PARD3B: variants seen among roughly 807,000 people sequenced by gnomAD.
The protein encoded by PARD3B is par-3 family cell polarity regulator beta.
PARD3B carries 103 observed loss-of-function variants against 130.2 expected under a neutral mutation model. The observed-to-expected ratio is 0.79, with a 90% CI of 0.67 to 0.93. PARD3B has a LOEUF of 0.93. PARD3B is among the 40% of genes least tolerant of loss of function. The probability of loss-of-function intolerance (pLI) is 0.00; values close to 1 mark genes in which losing one functional copy is unlikely to be tolerated. For synonymous variants in PARD3B, 583 were observed against 553.2 expected, an observed-to-expected ratio of 1.05 and a Z score of -0.76; for missense variants, 1,609 against 1,499.2, an observed-to-expected ratio of 1.07 and a Z score of -1.21.
At chr2:204,844,416 ATTTT>A (rs1173196156) in intron 2 of PARD3B, among the ~76,000 whole-genome samples, 1 of 152,136 alleles carries the variant, frequency 6.6e-6, no homozygotes, top group Non-Finnish European at 1.5e-5. Context: ...GCAAAATTTT[ATTTT>A]TAAGTTATAA....
At chr2:204,766,965 C>CTTTTTTTTTTTTTTTCT (rs2041183806) in intron 2 of PARD3B, among the ~76,000 whole-genome samples, 2 of 114,482 alleles carry the variant, frequency 1.7e-5, no homozygotes, top group African/African-American at 6.7e-5. Flanking sequence ...TTTTCTTTTT[C>CTTTTTTTTTTTTTTTCT]TTTTTTTTTT....
chr2:204,563,261 C>CTCTCTT (rs1251052076), intron 1 of PARD3B, among the ~76,000 whole-genome samples: 1 of 142,868 alleles, frequency 7.0e-6, no homozygotes, highest in East Asian at 2.0e-4. Context: ...CTCTCTCTCT[C>CTCTCTT]TCTCTTTCTC....
intron 2 of PARD3B, among the ~76,000 whole-genome samples, chr2:204,898,070 A>G (rs555464442): frequency 6.6e-6 from 1 of 152,146 alleles, no homozygotes; most frequent in African/African-American, 2.4e-5. Context: ...AATACACTGT[A>G]TACTTTAAAA....
At chr2:205,482,076 G>A (rs980762869) in intron 20 of PARD3B, among the ~76,000 whole-genome samples, 6 of 152,250 alleles carry the variant, frequency 3.9e-5, no homozygotes, top group African/African-American at 1.4e-4. Flanking sequence ...GAGCCACTCC[G>A]GGGATCATAT....
rs1185507153 is a variant in PARD3B at position 205,352,497 on chromosome 2, T to C, written c.2631-48516T>C. 6.6e-6 allele frequency among the ~76,000 whole-genome samples: 1 copy of C among 152,204 alleles called. No individual in the cohort carries two copies. Among genetic ancestry groups the C allele is most frequent in the East Asian group, 1.9e-4 (1 of 5,202 alleles). ...ATAATTTCTGTTTAGTTATCTGGGA[T>C]TTCATTCGGTTGATTAATACCTATA... On this transcript the variant is annotated intron_variant, in intron 18 of 22. Coordinates refer to ENST00000406610, the MANE Select transcript of PARD3B (RefSeq NM_001302769.2). This position sits in a 1 kb window ranked among gnomAD's most constrained non-coding sequence, Gnocchi z 5.2.
At chr2:205,169,689 T>A (rs1273342018) in intron 11 of PARD3B, among the ~76,000 whole-genome samples, 2 of 152,134 alleles carry the variant, frequency 1.3e-5, no homozygotes, top group Non-Finnish European at 2.9e-5. Flanking sequence ...TCTCAACATT[T>A]CCTGTTAACC....
rs1455433387 is a variant in PARD3B at position 205,593,957 on chromosome 2, T to C, written c.3261-21499T>C. 2.0e-5 allele frequency among the ~76,000 whole-genome samples: 3 copies of C among 152,178 alleles called. No homozygotes were observed. The East Asian group carries it at 5.8e-4, about 29-fold the overall frequency. ...ACCCATATCATTTCATCCACTCTTA[T>C]GAGAAGAAAAGCACATATTACTTTA... is the stretch of plus-strand genomic sequence containing the variant. On this transcript the variant is annotated intron_variant, in intron 22 of 22. Coordinates refer to ENST00000406610, the MANE Select transcript of PARD3B (RefSeq NM_001302769.2).
intron 3 of PARD3B, among the ~76,000 whole-genome samples, chr2:204,971,748 G>A (rs1177808714): frequency 6.6e-6 from 1 of 151,544 alleles, no homozygotes; most frequent in Non-Finnish European, 1.5e-5. Context: ...TTTCTGGTGT[G>A]ACTATAACTA....
In PARD3B at chr2:205,573,271, G is replaced by A. The variant is rs144256843; in HGVS notation, c.3260+19868G>A. Among the ~76,000 whole-genome samples, 1,370 of 152,278 alleles carry A rather than the reference G, an allele frequency of 9.0e-3. 21 individuals carry two copies. The highest frequency in any genetic ancestry group is 0.031 in the African/African-American group (1,289 of 41,564). On this transcript the variant is annotated intron_variant, in intron 22 of 22. Transcript: ENST00000406610. ...GGGAAGAGAGGCCTGTGAAGGAGCT[G>A]AGCTGACCTGTTTGATGCCTGATTA...
chr2:204,666,520 G>A (rs1475236203), intron 1 of PARD3B, among the ~76,000 whole-genome samples: 1 of 152,176 alleles, frequency 6.6e-6, no homozygotes, highest in African/African-American at 2.4e-5. Context: ...TATTGCTGTA[G>A]TGAGAGCAAG....
chr2:204,690,267 G>A (rs1447162594), intron 2 of PARD3B, among the ~76,000 whole-genome samples: 2 of 151,970 alleles, frequency 1.3e-5, no homozygotes, highest in Non-Finnish European at 2.9e-5. Flanking sequence ...CTACTTTTTT[G>A]CACCAACTAT....
chr2:204,744,055 C>T (rs1405969608), intron 2 of PARD3B, among the ~76,000 whole-genome samples: 3 of 152,148 alleles, frequency 2.0e-5, no homozygotes, highest in Non-Finnish European at 4.4e-5. Flanking sequence ...GATCTGGCCC[C>T]TTTTTTCTAT....
chr2:205,536,618 A>T (rs951625577), intron 21 of PARD3B, among the ~76,000 whole-genome samples: 1 of 152,210 alleles, frequency 6.6e-6, no homozygotes, highest in Non-Finnish European at 1.5e-5. Flanking sequence ...TGAGTTTCTC[A>T]TGACCCTTGA....
At chr2:204,975,907 T>C (rs1035768397) in intron 3 of PARD3B, among the ~76,000 whole-genome samples, 4 of 152,324 alleles carry the variant, frequency 2.6e-5, no homozygotes, top group African/African-American at 7.2e-5. Flanking sequence ...TTTTTCTCTT[T>C]TCAGACAATT....
At chr2:205,175,807 T>G (rs549744056) in intron 12 of PARD3B, among the ~76,000 whole-genome samples, 3 of 152,286 alleles carry the variant, frequency 2.0e-5, no homozygotes, top group East Asian at 3.9e-4. Flanking sequence ...GGAAGATGGA[T>G]CGTAGGGGTG....
chr2:204,590,217 A>G (rs2033015071), intron 1 of PARD3B, among the ~76,000 whole-genome samples: 1 of 152,128 alleles, frequency 6.6e-6, no homozygotes. Context: ...AGAGCAGACA[A>G]TGAGGAAGGT....
At chr2:204,667,371 A>C (rs776130078) in intron 1 of PARD3B, among the ~76,000 whole-genome samples, 1 of 151,996 alleles carries the variant, frequency 6.6e-6, no homozygotes, top group African/African-American at 2.4e-5. Flanking sequence ...TTTTACCTCA[A>C]ATTCCTCAGA....
chr2:205,050,783 A>G (rs1159326387), intron 4 of PARD3B, among the ~76,000 whole-genome samples: 1 of 151,732 alleles, frequency 6.6e-6, no homozygotes, highest in African/African-American at 2.4e-5. Context: ...GTTTTATTGG[A>G]CAGCGCAGCT....
intron 1 of PARD3B, among the ~76,000 whole-genome samples, chr2:204,635,338 T>A (rs2034837933): frequency 1.3e-5 from 2 of 152,198 alleles, no homozygotes; most frequent in Admixed American, 6.5e-5. Flanking sequence ...GTAATCATTG[T>A]TACTGGGTTG....
Sources: allele counts gnomAD v4.1 joint callset (sites outside exome capture counted in the v4.1 genomes callset), GRCh38; gene constraint gnomAD v4.1.1; non-coding constraint Gnocchi (gnomAD v3.1); transcripts MANE v1.5; gene names NCBI Gene and HGNC (gene_info 2026-07-23, HGNC 2026-07-21).